The following KLHL9 variants were observed in gnomAD, a reference collection of about 807,000 sequenced individuals.
KLHL9 encodes the protein kelch like family member 9.
KLHL9 carries 27 observed loss-of-function variants against 42.3 expected under a neutral mutation model. The observed-to-expected ratio is 0.64, with a 90% confidence interval of 0.47 to 0.88. The LOEUF (loss-of-function observed/expected upper bound fraction) is 0.88, where lower values mean the gene tolerates loss of function less well. KLHL9 is among the 40% of genes least tolerant of loss of function. The pLI, the probability that KLHL9 is intolerant of heterozygous loss-of-function variation, is 0.00. For synonymous variants in KLHL9, 274 were observed against 254.4 expected (o/e 1.08, Z -0.73); for missense variants, 629 against 750.3 (o/e 0.84, Z 1.89).
At position 21,332,134 on chromosome 9, in the gene KLHL9, G is replaced by A. The variant is rs1045981347; in HGVS notation, c.*872C>T. On this transcript the variant is annotated 3_prime_UTR_variant, in exon 1 of 1. Coordinates refer to ENST00000359039, the MANE Select transcript of KLHL9 (RefSeq NM_018847.4). ...AAAGTACTCTACAGAAAATACACAA[G>A]CAGAAAACAGTAATGTAAGCTTCAT... 6.6e-6 allele frequency: 1 copy of A among 152,504 alleles called. No individual in the cohort carries two copies. Among genetic ancestry groups the A allele is most frequent in the African/African-American group, 2.4e-5 (1 of 41,392 alleles). The allele number at this position is 152,504 out of a possible 1,614,324, so 9.4% of individuals were successfully genotyped here. A position where few individuals can be genotyped will look rare whatever the true frequency, so the allele number is the denominator to read the frequency against.
Position 21,334,219 on chromosome 9 carries a change from T to G in KLHL9, c.641A>C (p.Glu214Ala). ...SNSLKHCTEL[E>A]LFKAACRWLR... is the part of the protein sequence containing the mutation. ...CCAGCGACAGGCTGCCTTAAAGAGT[T>G]CAAGTTCGGTACAGTGCTTAAGACT... The change falls in exon 1 of 1, where the codon GAA becomes GCA. Residue 214 changes from glutamate (E) to alanine (A), a missense_variant. By Grantham distance (107) the Glu-to-Ala change is moderately radical (BLOSUM62 -1). Around this residue, in one of 4 missense-constraint regions of KLHL9, gnomAD observed 351 missense variants for 363.1 expected, o/e 0.97. Coordinates refer to ENST00000359039, the MANE Select transcript of KLHL9 (RefSeq NM_018847.4). The surrounding 1 kb of genome is among the most constrained non-coding windows in gnomAD (Gnocchi z 5.1). 3 of 1,614,178 alleles carry G rather than the reference T, an allele frequency of 1.9e-6. No individual in the cohort carries two copies. Among genetic ancestry groups the G allele is most frequent in the Non-Finnish European group, 2.5e-6 (3 of 1,180,032 alleles).
Position 21,332,957 on chromosome 9 carries a change from GA to G in KLHL9, c.*48del, listed in dbSNP as rs759587463. 6.2e-7 allele frequency: 1 copy of G among 1,612,482 alleles called. No homozygotes were observed. On this transcript the variant is annotated 3_prime_UTR_variant, in exon 1 of 1. Coordinates refer to ENST00000359039, the MANE Select transcript of KLHL9 (RefSeq NM_018847.4). ...ACTGTAAGAAGATACAACTGAAGGG[GA>G]AGTATTAGATCACCCATGACGTACT...
chr9:21,335,219 C>T lies in KLHL9; in HGVS notation c.-360G>A, dbSNP rs1209021910. The T allele has an allele frequency of 4.0e-6, 2 of 501,112 alleles. No individual in the cohort carries two copies. Among genetic ancestry groups the T allele is most frequent in the South Asian group, 4.0e-5 (1 of 25,004 alleles). 31.0% of individuals were successfully genotyped at this position (501,112 alleles called of 1,614,324 possible). ...TGTGGCTCCACGGCCCGCTCGGCGG[C>T]GGGTCCGGACACCTCAGCGAACGGC... is the stretch of plus-strand genomic sequence containing the variant. On this transcript the variant is annotated 5_prime_UTR_variant, in exon 1 of 1. Transcript: ENST00000359039.
Position 21,331,710 on chromosome 9 carries a change from G to C in KLHL9, c.*1296C>G, listed in dbSNP as rs1178964817. 1 of 152,348 alleles carries C rather than the reference G, an allele frequency of 6.6e-6. No homozygotes were observed. The highest frequency in any genetic ancestry group is 1.5e-5 in the Non-Finnish European group (1 of 68,024). The allele number at this position is 152,348 out of a possible 1,614,324, so 9.4% of individuals were successfully genotyped here. ...GAGGCTGAGGGTTGATTTTAGTACT[G>C]CTTGTAAGACCATAGTGTTCCAGAG... On this transcript the variant is annotated 3_prime_UTR_variant, in exon 1 of 1. Transcript: ENST00000359039.
Position 21,331,741 on chromosome 9 carries a change from G to T in KLHL9, c.*1265C>A, listed in dbSNP as rs534147057. 1 of 152,656 alleles carries T rather than the reference G, an allele frequency of 6.6e-6. No homozygotes were observed. Among genetic ancestry groups the T allele is most frequent in the East Asian group, 1.9e-4 (1 of 5,178 alleles). The allele number at this position is 152,656 out of a possible 1,614,324, so 9.5% of individuals were successfully genotyped here. The stretch of plus-strand genomic sequence containing the variant: ...AAGACCATAGTGTTCCAGAGGCTCT[G>T]TAGCTGGCTTCTTTGGGAATCTGAA... On this transcript the variant is annotated 3_prime_UTR_variant, in exon 1 of 1. Coordinates refer to ENST00000359039, the MANE Select transcript of KLHL9 (RefSeq NM_018847.4).
rs1820205508 is a variant in KLHL9 at position 21,333,219 on chromosome 9, G to C, written c.1641C>G (p.Ile547Met). 6.2e-7 allele frequency: 1 copy of C among 1,613,542 alleles called. No homozygotes were observed. Among genetic ancestry groups the C allele is most frequent in the Non-Finnish European group, 8.5e-7 (1 of 1,179,620 alleles). ...DVGVAVFENK[I>M]YVVGGYSWNN... ...TCCAAGAATATCCACCAACAACATA[G>C]ATTTTATTTTCAAAGACGGCAACTC... Residue 547 changes from isoleucine (I) to methionine (M), a missense_variant, in exon 1 of 1, where the codon ATC (isoleucine) becomes ATG (methionine). By Grantham distance (10) the Ile-to-Met change is conservative. Transcript: ENST00000359039. The surrounding 1 kb of genome is among the most constrained non-coding windows in gnomAD (Gnocchi z 7.5).
Position 21,333,901 on chromosome 9 carries a change from T to TACA in KLHL9, c.956_958dup (p.Met319_Tyr320insLeu). The TACA allele has an allele frequency of 6.2e-7, 1 of 1,614,128 alleles. No homozygotes were observed. Among genetic ancestry groups the TACA allele is most frequent in the East Asian group, 2.2e-5 (1 of 44,890 alleles). The stretch of plus-strand genomic sequence containing the variant: ...TCTCCATTCTTGTGCCCTTTCATCA[T>TACA]ACATCCGTAATTCTTTACTGACAAC... On this transcript the variant is annotated inframe_insertion, in exon 1 of 1. Transcript: ENST00000359039. This position sits in a 1 kb window ranked among gnomAD's most constrained non-coding sequence, Gnocchi z 7.5.
In KLHL9 at chr9:21,332,145, T is replaced by C. The variant is rs1183968940; in HGVS notation, c.*861A>G. ...CAGAAAATACACAAGCAGAAAACAG[T>C]AATGTAAGCTTCATCTGAAGTAACG... On this transcript the variant is annotated 3_prime_UTR_variant, in exon 1 of 1. Coordinates refer to ENST00000359039, the MANE Select transcript of KLHL9 (RefSeq NM_018847.4). 6.6e-6 allele frequency: 1 copy of C among 152,586 alleles called. No homozygotes were observed. Among genetic ancestry groups the C allele is most frequent in the Non-Finnish European group, 1.5e-5 (1 of 68,024 alleles). The allele number at this position is 152,586 out of a possible 1,614,324, so 9.5% of individuals were successfully genotyped here. A position where few individuals can be genotyped will look rare whatever the true frequency, so the allele number is the denominator to read the frequency against.
In KLHL9 at chr9:21,333,351, G is replaced by A. The variant is rs754911263; in HGVS notation, c.1509C>T (p.Phe503=). The change falls in exon 1 of 1, where the codon TTC becomes TTT. Residue 503 remains phenylalanine, a synonymous_variant. Coordinates refer to ENST00000359039, the MANE Select transcript of KLHL9 (RefSeq NM_018847.4). The surrounding 1 kb of genome is among the most constrained non-coding windows in gnomAD (Gnocchi z 7.5). ...DKLYVIGGNH[F]RGTSDYDDVL... The stretch of plus-strand genomic sequence containing the variant: ...CATCATCATAATCACTTGTTCCTCT[G>A]AAGTGATTGCCACCAATGACATAGA... The A allele has an allele frequency of 9.3e-6, 15 of 1,614,084 alleles. No homozygotes were observed. The Admixed American group carries it at 2.3e-4, about 25-fold the overall frequency.
In KLHL9 at chr9:21,331,097, G is replaced by A. The variant is rs1428477396; in HGVS notation, c.*1909C>T. ...AACAAAGCAACTCCAACAGATAACA[G>A]AAGGGCAAAAGGACAGGAACATCTG... On this transcript the variant is annotated 3_prime_UTR_variant, in exon 1 of 1. Coordinates refer to ENST00000359039, the MANE Select transcript of KLHL9 (RefSeq NM_018847.4). The A allele has an allele frequency of 1.3e-5, 2 of 152,672 alleles. No individual in the cohort carries two copies. Among genetic ancestry groups the A allele is most frequent in the African/African-American group, 4.8e-5 (2 of 41,542 alleles). 9.5% of individuals were successfully genotyped at this position (152,672 alleles called of 1,614,324 possible).
In KLHL9 at chr9:21,333,582, C is replaced by A; in HGVS notation, c.1278G>T (p.Trp426Cys). 1 of 1,614,166 alleles carries A rather than the reference C, an allele frequency of 6.2e-7. No homozygotes were observed. ...VECYNPRMNEWSYVAKMSEPH... is the reference protein window; with the variant it reads ...VECYNPRMNECSYVAKMSEPH... The stretch of plus-strand genomic sequence containing the variant: ...GTTCACTCATTTTTGCAACATAGCT[C>A]CACTCATTCATTCTTGGGTTGTAAC... Residue 426 changes from tryptophan (W) to cysteine (C), a missense_variant, in exon 1 of 1, where the codon TGG (tryptophan) becomes TGT (cysteine). Physicochemically the swap from Trp to Cys is radical, Grantham distance 215. Around this residue, in one of 4 missense-constraint regions of KLHL9, gnomAD observed 214 missense variants for 305.8 expected, o/e 0.70. Transcript: ENST00000359039. This position sits in a 1 kb window ranked among gnomAD's most constrained non-coding sequence, Gnocchi z 7.5.
chr9:21,335,255 C>A lies in KLHL9; in HGVS notation c.-396G>T. The stretch of plus-strand genomic sequence containing the variant: ...ACCTCAGCGAACGGCCCGCTGCGCC[C>A]TCCGCTGTACCTAGAGTGTCGCAGC... On this transcript the variant is annotated 5_prime_UTR_variant, in exon 1 of 1. In the 5' UTR this introduces an upstream ATG that the reference lacks. Transcript: ENST00000359039. 2.1e-6 allele frequency: 1 copy of A among 481,782 alleles called. No homozygotes were observed. The highest frequency in any genetic ancestry group is 4.8e-5 in the South Asian group (1 of 20,774). 29.8% of individuals were successfully genotyped at this position (481,782 alleles called of 1,614,324 possible).
At position 21,334,721 on chromosome 9, in the gene KLHL9, CTTCTA is replaced by C. The variant is rs749618064; in HGVS notation, c.134_138del (p.Ile45ArgfsTer5). 10 of 1,613,468 alleles carry C rather than the reference CTTCTA, an allele frequency of 6.2e-6. No homozygotes were observed. The highest frequency in any genetic ancestry group is 5.9e-6 in the Non-Finnish European group (7 of 1,179,658). On this transcript the variant is annotated frameshift_variant, in exon 1 of 1. Transcript: ENST00000359039. LOFTEE classifies it high-confidence loss of function. This position sits in a 1 kb window ranked among gnomAD's most constrained non-coding sequence, Gnocchi z 5.1. ...ACCAGGGTCACATCACAAAGCAATC[CTTCTA>C]TTCTAAGCTGATCAAAGCCTTGCAA...
Position 21,332,980 on chromosome 9 carries a change from T to G in KLHL9, c.*26A>C, listed in dbSNP as rs144808151. 2.7e-4 allele frequency: 430 copies of G among 1,614,012 alleles called. No individual in the cohort carries two copies. The African/African-American group carries it at 5.2e-3, about 20-fold the overall frequency. ...GGGAAGTATTAGATCACCCATGACGTACTGCAAAGGTGTTACACCTTAGAC... is the reference window on the plus strand; with the variant it reads ...GGGAAGTATTAGATCACCCATGACGGACTGCAAAGGTGTTACACCTTAGAC... On this transcript the variant is annotated 3_prime_UTR_variant, in exon 1 of 1. Coordinates refer to ENST00000359039, the MANE Select transcript of KLHL9 (RefSeq NM_018847.4).
chr9:21,335,114 A>C lies in KLHL9; in HGVS notation c.-255T>G, dbSNP rs1586943609. On this transcript the variant is annotated 5_prime_UTR_variant, in exon 1 of 1. Coordinates refer to ENST00000359039, the MANE Select transcript of KLHL9 (RefSeq NM_018847.4). ...TTCATCACCTGAAGGCGGTTAAATG[A>C]CCTGGTTCACCTCGTCCGGCCTGCG... 2 of 539,244 alleles carry C rather than the reference A, an allele frequency of 3.7e-6. No homozygotes were observed. The highest frequency in any genetic ancestry group is 3.7e-5 in the Admixed American group (1 of 27,364). The allele number at this position is 539,244 out of a possible 1,614,324, so 33.4% of individuals were successfully genotyped here. A position where few individuals can be genotyped will look rare whatever the true frequency, so the allele number is the denominator to read the frequency against.
Position 21,335,228 on chromosome 9 carries a change from A to C in KLHL9, c.-369T>G. The C allele has an allele frequency of 4.0e-6, 2 of 500,484 alleles. No homozygotes were observed. Among genetic ancestry groups the C allele is most frequent in the South Asian group, 8.0e-5 (2 of 24,868 alleles). 31.0% of individuals were successfully genotyped at this position (500,484 alleles called of 1,614,324 possible). A position where few individuals can be genotyped will look rare whatever the true frequency, so the allele number is the denominator to read the frequency against. On this transcript the variant is annotated 5_prime_UTR_variant, in exon 1 of 1. Transcript: ENST00000359039. ...ACGGCCCGCTCGGCGGCGGGTCCGGACACCTCAGCGAACGGCCCGCTGCGC... is the reference window on the plus strand; with the variant it reads ...ACGGCCCGCTCGGCGGCGGGTCCGGCCACCTCAGCGAACGGCCCGCTGCGC...
In KLHL9 at chr9:21,330,192, C is replaced by A. The variant is rs1044675443; in HGVS notation, c.*2814G>T. On this transcript the variant is annotated 3_prime_UTR_variant, in exon 1 of 1. Coordinates refer to ENST00000359039, the MANE Select transcript of KLHL9 (RefSeq NM_018847.4). ...CATGACGTATCCTGGGGGAGGGACC[C>A]AAGTCTAAACAATATTACTTAAAAC... 1 of 152,106 alleles carries A rather than the reference C, an allele frequency of 6.6e-6. No individual in the cohort carries two copies. Among genetic ancestry groups the A allele is most frequent in the Non-Finnish European group, 1.5e-5 (1 of 68,026 alleles). 9.4% of individuals were successfully genotyped at this position (152,106 alleles called of 1,614,324 possible).
chr9:21,334,896 AT>A lies in KLHL9; in HGVS notation c.-38del. 1 of 1,612,976 alleles carries A rather than the reference AT, an allele frequency of 6.2e-7. No individual in the cohort carries two copies. Among genetic ancestry groups the A allele is most frequent in the East Asian group, 2.2e-5 (1 of 44,878 alleles). On this transcript the variant is annotated 5_prime_UTR_variant, in exon 1 of 1. Transcript: ENST00000359039. The surrounding 1 kb of genome is among the most constrained non-coding windows in gnomAD (Gnocchi z 5.1). ...CCTCTTGCACAGAGATGCAAGCCGG[AT>A]AAAGAAGTTATAACCGGAATGTTTT...
Position 21,331,288 on chromosome 9 carries a change from TAA to T in KLHL9, c.*1716_*1717del, listed in dbSNP as rs1820165934. ...TTTTAGTAATAAAAAACTGAGTAAT[TAA>T]AAAAACATAGAAAGTATGAAAATTT... is the stretch of plus-strand genomic sequence containing the variant. On this transcript the variant is annotated 3_prime_UTR_variant, in exon 1 of 1. Coordinates refer to ENST00000359039, the MANE Select transcript of KLHL9 (RefSeq NM_018847.4). The T allele has an allele frequency of 6.6e-6, 1 of 152,510 alleles. No homozygotes were observed. Among genetic ancestry groups the T allele is most frequent in the Non-Finnish European group, 1.5e-5 (1 of 68,026 alleles). 9.4% of individuals were successfully genotyped at this position (152,510 alleles called of 1,614,324 possible). A position where few individuals can be genotyped will look rare whatever the true frequency, so the allele number is the denominator to read the frequency against.
Sources: allele counts gnomAD v4.1 joint callset, GRCh38; gene constraint gnomAD v4.1.1; regional missense constraint gnomAD v4.1.1; non-coding constraint Gnocchi (gnomAD v3.1); transcripts MANE v1.5; gene names NCBI Gene and HGNC (gene_info 2026-07-23, HGNC 2026-07-21).